Variants in SAMMSON observed in about 807,000 individuals in gnomAD.
The protein encoded by SAMMSON is survival associated mitochondrial melanoma specific oncogenic non-coding RNA, also known as long intergenic non-protein coding RNA 1212.
intron 1 of SAMMSON, among the ~76,000 whole-genome samples, chr3:70,011,309 T>C (rs1393296380): frequency 1.3e-5 from 2 of 152,126 alleles, no homozygotes; most frequent in African/African-American, 4.8e-5. Flanking sequence ...ACAATTTTCC[T>C]TAGTTCTCCC....
intron 7 of SAMMSON, among the ~76,000 whole-genome samples, chr3:70,342,152 A>G (rs1369733545): frequency 6.6e-6 from 1 of 152,224 alleles, no homozygotes; most frequent in Non-Finnish European, 1.5e-5. Context: ...TTCTGGTTGT[A>G]AAACACTATT....
chr3:70,110,576 A>C (rs954261636), intron 4 of SAMMSON, among the ~76,000 whole-genome samples: 1 of 152,098 alleles, frequency 6.6e-6, no homozygotes, highest in African/African-American at 2.4e-5. Context: ...CTATATCCTT[A>C]TCTCTCTCCA....
At chr3:70,092,921 T>G (rs1331439462) in intron 4 of SAMMSON, among the ~76,000 whole-genome samples, 15 of 151,638 alleles carry the variant, frequency 9.9e-5, no homozygotes, top group South Asian at 4.2e-4. Flanking sequence ...TTTTTGTTTT[T>G]TTTTTCCACC....
intron 6 of SAMMSON, among the ~76,000 whole-genome samples, chr3:70,254,397 A>C (rs1465232744): frequency 6.6e-6 from 1 of 152,200 alleles, no homozygotes; most frequent in Non-Finnish European, 1.5e-5. Flanking sequence ...GTTGTACATT[A>C]TTATAAACAG....
intron 7 of SAMMSON, among the ~76,000 whole-genome samples, chr3:70,344,081 C>T (rs1204722169): frequency 6.6e-6 from 1 of 151,902 alleles, no homozygotes; most frequent in African/African-American, 2.4e-5. Flanking sequence ...GGACAGGAGA[C>T]AGGGAAATAC....
intron 4 of SAMMSON, among the ~76,000 whole-genome samples, chr3:70,114,446 A>C (rs890586673): frequency 1.3e-5 from 2 of 152,240 alleles, no homozygotes; most frequent in African/African-American, 4.8e-5. Context: ...GTAGACACAC[A>C]TAAGTTGTTT....
chr3:70,192,168 C>G (rs1456819852), intron 4 of SAMMSON, among the ~76,000 whole-genome samples: 1 of 152,162 alleles, frequency 6.6e-6, no homozygotes, highest in East Asian at 1.9e-4. Context: ...CCCTTTCCCC[C>G]AAAGTGCCCT....
At chr3:70,310,474 T>C (rs903295483) in intron 7 of SAMMSON, among the ~76,000 whole-genome samples, 1 of 152,056 alleles carries the variant, frequency 6.6e-6, no homozygotes, top group Admixed American at 6.6e-5. Flanking sequence ...CAAGCGATTA[T>C]CCTGCCTCAG....
intron 4 of SAMMSON, among the ~76,000 whole-genome samples, chr3:70,230,067 A>G (rs1701543670): frequency 6.6e-6 from 1 of 152,150 alleles, no homozygotes. Context: ...ATCCCCATTA[A>G]AATGGTTAAG....
At chr3:70,180,484 A>G (rs1296455186) in intron 4 of SAMMSON, among the ~76,000 whole-genome samples, 1 of 152,154 alleles carries the variant, frequency 6.6e-6, no homozygotes, top group African/African-American at 2.4e-5. Flanking sequence ...AAACACACAT[A>G]TGTATGTATG....
At chr3:70,285,411 T>C (rs1460658032) in intron 6 of SAMMSON, among the ~76,000 whole-genome samples, 3 of 152,244 alleles carry the variant, frequency 2.0e-5, no homozygotes, top group African/African-American at 7.2e-5. Flanking sequence ...GGCTGCATAG[T>C]ATTCTATGGT....
At chr3:70,052,213 C>G (rs2067149110) in intron 3 of SAMMSON, among the ~76,000 whole-genome samples, 1 of 152,066 alleles carries the variant, frequency 6.6e-6, no homozygotes, top group Non-Finnish European at 1.5e-5. Context: ...GTATTACCCA[C>G]AAGAATATTC....
At chr3:70,163,499 CT>C (rs1318006549) in intron 4 of SAMMSON, among the ~76,000 whole-genome samples, 3 of 151,816 alleles carry the variant, frequency 2.0e-5, no homozygotes, top group Non-Finnish European at 2.9e-5. Context: ...TCCCTTCCCC[CT>C]CTCCTCATTC....
chr3:70,337,326 A>G (rs1320671598), intron 7 of SAMMSON, among the ~76,000 whole-genome samples: 1 of 151,402 alleles, frequency 6.6e-6, no homozygotes, highest in Admixed American at 6.6e-5. Context: ...CAGATTTAGA[A>G]CCATACACAG....
intron 3 of SAMMSON, among the ~76,000 whole-genome samples, chr3:70,034,894 A>G (rs2067079776): frequency 1.3e-5 from 2 of 152,146 alleles, no homozygotes; most frequent in Admixed American, 1.3e-4. Context: ...TGTACCCTAC[A>G]CTATTAAGAG....
chr3:70,403,690 T>A (rs1031052313), intron 2 of SAMMSON, among the ~76,000 whole-genome samples: 1 of 152,084 alleles, frequency 6.6e-6, no homozygotes, highest in African/African-American at 2.4e-5. Flanking sequence ...CACAACAGAG[T>A]TCTTCATATA....
chr3:70,016,491 T>C (rs2066986311), intron 3 of SAMMSON, among the ~76,000 whole-genome samples: 2 of 152,140 alleles, frequency 1.3e-5, no homozygotes, highest in African/African-American at 4.8e-5. Context: ...TATTAGCCCT[T>C]TGTCAGATGA....
At chr3:70,098,172 G>A (rs557772409) in intron 4 of SAMMSON, among the ~76,000 whole-genome samples, 20 of 152,238 alleles carry the variant, frequency 1.3e-4, no homozygotes, top group Admixed American at 1.2e-3. Flanking sequence ...TAGAGTCCAG[G>A]TTTTTTGAGA....
chr3:70,047,063 A>G (rs2067129468), intron 3 of SAMMSON, among the ~76,000 whole-genome samples: 2 of 152,124 alleles, frequency 1.3e-5, no homozygotes, highest in South Asian at 4.1e-4. Context: ...CACAGGTTCC[A>G]GGGATTTGGA....
Sources: gnomAD v4.1 joint callset for allele counts (sites outside exome capture counted in the v4.1 genomes callset) on GRCh38, gnomAD v4.1.1 for gene constraint, MANE v1.5 for transcripts, NCBI Gene and HGNC (gene_info 2026-07-23, HGNC 2026-07-21) for gene names.